The following GHR variants were observed in gnomAD, a reference collection of about 807,000 sequenced individuals.
The protein encoded by GHR is GH receptor.
Under a neutral mutation model 67.1 loss-of-function variants are expected in GHR, and 35 were observed. The observed-to-expected ratio is 0.52, with a 90% CI of 0.40 to 0.69. GHR has a LOEUF of 0.69. Among genes scored for constraint, GHR ranks in the 30% least tolerant of loss-of-function variants. The pLI, the probability that GHR is intolerant of heterozygous loss-of-function variation, is 0.00. For missense variants in GHR, 792 were observed against 764.6 expected (o/e 1.04, Z -0.42); for synonymous variants, 272 against 269.1 (o/e 1.01, Z -0.10).
chr5:42,582,827 C>T (rs1003586791), intron 2 of GHR, among the ~76,000 whole-genome samples: 8 of 152,250 alleles, frequency 5.3e-5, no homozygotes, highest in Non-Finnish European at 8.8e-5. Context: ...TCAGATGCAG[C>T]CGCAGGCTTG....
intron 4 of GHR, among the ~76,000 whole-genome samples, 174 bp from the exon 5 acceptor site, chr5:42,694,743 A>T (rs1399413684): frequency 6.6e-6 from 1 of 152,206 alleles, no homozygotes; most frequent in Non-Finnish European, 1.5e-5. Flanking sequence ...GTCGTCAGAC[A>T]CTGATGATAC....
intron 1 of GHR, among the ~76,000 whole-genome samples, chr5:42,533,343 C>A (rs1331848314): frequency 6.6e-6 from 1 of 151,832 alleles, no homozygotes; most frequent in East Asian, 1.9e-4. Context: ...GTTCATATTT[C>A]ATATATAAAT....
intron 1 of GHR, among the ~76,000 whole-genome samples, chr5:42,451,096 A>G (rs1430773787): frequency 6.6e-6 from 1 of 152,296 alleles, no homozygotes; most frequent in Non-Finnish European, 1.5e-5. Flanking sequence ...AAAAGAATGT[A>G]TATTCTACAT....
intron 2 of GHR, among the ~76,000 whole-genome samples, chr5:42,619,064 A>G (rs1753309160): frequency 6.6e-6 from 1 of 152,078 alleles, no homozygotes; most frequent in Admixed American, 6.6e-5. Context: ...AAAGCCACAT[A>G]CCACATAGCT....
At position 42,498,301 on chromosome 5, in the gene GHR, A is replaced by G. The variant is rs77043501; in HGVS notation, c.-11-67563A>G. ...TGAAAGTGCTAGCTAGCAGCAAATA[A>G]GTCTGGCTTAATTCTCCCTTGAGTC... On this transcript the variant is annotated intron_variant, in intron 1 of 9. Coordinates refer to ENST00000230882, the MANE Select transcript of GHR (RefSeq NM_000163.5). 7.6e-3 allele frequency among the ~76,000 whole-genome samples: 1,163 copies of G among 152,322 alleles called. 15 individuals are homozygous for G. Among genetic ancestry groups the G allele is most frequent in the African/African-American group, 0.027 (1,114 of 41,578 alleles).
At chr5:42,497,088 A>G (rs796447937) in intron 1 of GHR, among the ~76,000 whole-genome samples, 10 of 152,086 alleles carry the variant, frequency 6.6e-5, no homozygotes, top group African/African-American at 2.2e-4. Flanking sequence ...CTGGTGTCCT[A>G]TTTTTCTGCT....
Position 42,477,318 on chromosome 5 carries a change from T to A in GHR, c.-12+53363T>A, listed in dbSNP as rs1317146413. Among the ~76,000 whole-genome samples the A allele has an allele frequency of 2.6e-5, 4 of 152,282 alleles. No individual in the cohort carries two copies. The East Asian group carries it at 7.7e-4, about 29-fold the overall frequency. ...TGGGTTGGTTCCAAGTCTTTGCTAT[T>A]GCGAATAGTGCCACAATAAACATAC... is the stretch of plus-strand genomic sequence containing the variant. On this transcript the variant is annotated intron_variant, in intron 1 of 9. Transcript: ENST00000230882.
intron 2 of GHR, among the ~76,000 whole-genome samples, chr5:42,592,248 C>G (rs1331221934): frequency 6.6e-6 from 1 of 152,136 alleles, no homozygotes; most frequent in Non-Finnish European, 1.5e-5. Flanking sequence ...ATCCTAACAT[C>G]TCCCATGTTT....
intron 1 of GHR, among the ~76,000 whole-genome samples, chr5:42,542,697 G>C (rs1748568395): frequency 2.0e-5 from 3 of 152,022 alleles, no homozygotes; most frequent in Admixed American, 2.0e-4. Flanking sequence ...TGAATTGTAT[G>C]GTGGTAGTGA....
intron 1 of GHR, among the ~76,000 whole-genome samples, chr5:42,550,726 TG>T (rs755912858): frequency 3.9e-5 from 6 of 152,030 alleles, no homozygotes; most frequent in Non-Finnish European, 8.8e-5. Context: ...TAGCCACCGA[TG>T]GGGGAAGCTG....
chr5:42,434,225 C>T (rs570138325), intron 1 of GHR, among the ~76,000 whole-genome samples: 1 of 152,186 alleles, frequency 6.6e-6, no homozygotes, highest in Non-Finnish European at 1.5e-5. Flanking sequence ...AGTCCTGGCC[C>T]AATAGAGCCA....
chr5:42,538,711 G>T (rs1748372979), intron 1 of GHR, among the ~76,000 whole-genome samples: 1 of 152,050 alleles, frequency 6.6e-6, no homozygotes, highest in Admixed American at 6.6e-5. Context: ...CTTATATTTA[G>T]ATATCTAGGT....
chr5:42,671,441 A>G (rs1756292487), intron 3 of GHR, among the ~76,000 whole-genome samples: 1 of 152,058 alleles, frequency 6.6e-6, no homozygotes, highest in African/African-American at 2.4e-5. Flanking sequence ...AACATTGGGC[A>G]TTATATGTCA....
intron 2 of GHR, among the ~76,000 whole-genome samples, chr5:42,577,321 G>A (rs1750805018): frequency 6.6e-6 from 1 of 152,216 alleles, no homozygotes; most frequent in Non-Finnish European, 1.5e-5. Context: ...CTATGCCCTA[G>A]TGTATTATGA....
chr5:42,719,017 G>A lies in GHR; in HGVS notation c.1510G>A (p.Gly504Ser). 6.2e-7 allele frequency: 1 copy of A among 1,606,582 alleles called. No homozygotes were observed. Among genetic ancestry groups the A allele is most frequent in the Non-Finnish European group, 8.5e-7 (1 of 1,175,290 alleles). Residue 504 changes from glycine to serine, a missense_variant, in exon 10 of 10, where the codon GGC becomes AGC. Gly to Ser is a moderately conservative substitution (Grantham distance 56). Transcript: ENST00000230882. The stretch of plus-strand genomic sequence containing the variant: ...AGCAGGTAGTGTGGTCCTTTCCCCG[G>A]GCCAAAAGAATAAGGCAGGGATGTC... ...TPAGSVVLSP[G>S]QKNKAGMSQC...
At chr5:42,617,385 TACACACACACACAC>T (rs10581858) in intron 2 of GHR, among the ~76,000 whole-genome samples, 2,125 of 149,244 alleles carry the variant, frequency 0.014, 22 homozygotes, top group Middle Eastern at 0.037. Context: ...AAGTTCATTT[TACACACACACACAC>T]ACACACACAC....
At chr5:42,652,194 G>A (rs975863148) in intron 3 of GHR, among the ~76,000 whole-genome samples, 1 of 152,146 alleles carries the variant, frequency 6.6e-6, no homozygotes, top group African/African-American at 2.4e-5. Flanking sequence ...GACAACTATA[G>A]GGAATTCTGA....
chr5:42,660,735 C>G (rs1227952230), intron 3 of GHR, among the ~76,000 whole-genome samples: 1 of 152,224 alleles, frequency 6.6e-6, no homozygotes, highest in Non-Finnish European at 1.5e-5. Flanking sequence ...CAGTTCCTCA[C>G]CAGCAACGGA....
At chr5:42,481,634 C>A (rs1252666111) in intron 1 of GHR, among the ~76,000 whole-genome samples, 2 of 152,002 alleles carry the variant, frequency 1.3e-5, no homozygotes, top group African/African-American at 2.4e-5. Flanking sequence ...TCATTTCATT[C>A]ATCTTCCATC....
Sources: allele counts gnomAD v4.1 joint callset (sites outside exome capture counted in the v4.1 genomes callset), GRCh38; gene constraint gnomAD v4.1.1; transcripts MANE v1.5; gene names NCBI Gene and HGNC (gene_info 2026-07-23, HGNC 2026-07-21).